The following CNTN5 variants were observed in gnomAD, a reference collection of about 807,000 sequenced individuals.
The protein encoded by CNTN5 is contactin-5.
In CNTN5, 77 loss-of-function variants were observed where a neutral mutation model predicts 129.1. The observed-to-expected ratio is 0.60, with a 90% CI of 0.50 to 0.72. The LOEUF (loss-of-function observed/expected upper bound fraction) is 0.72, where lower values mean the gene tolerates loss of function less well. Among genes scored for constraint, CNTN5 ranks in the 30% least tolerant of loss-of-function variants. The probability of loss-of-function intolerance (pLI) is 0.00; values close to 1 mark genes in which losing one functional copy is unlikely to be tolerated. For missense variants in CNTN5, 1,478 were observed against 1,328.8 expected (o/e 1.11, Z -1.75); for synonymous variants, 509 against 465.6 (o/e 1.09, Z -1.20).
chr11:99,207,032 T>G (rs2135653600), intron 1 of CNTN5, among the ~76,000 whole-genome samples: 1 of 152,210 alleles, frequency 6.6e-6, no homozygotes, highest in South Asian at 2.1e-4. Flanking sequence ...AAAATAATTT[T>G]TATGGCTGCT....
intron 2 of CNTN5, among the ~76,000 whole-genome samples, chr11:99,345,955 C>T (rs972044480): frequency 6.6e-6 from 1 of 152,118 alleles, no homozygotes; most frequent in Non-Finnish European, 1.5e-5. Flanking sequence ...TAATTACATA[C>T]ATTAATGCAT....
intron 2 of CNTN5, among the ~76,000 whole-genome samples, chr11:99,538,166 G>A (rs1947968453): frequency 6.6e-6 from 1 of 152,150 alleles, no homozygotes; most frequent in Non-Finnish European, 1.5e-5. Flanking sequence ...GTTCAATGTA[G>A]TTTTAAATAC....
chr11:100,353,787 G>A (rs189995382), intron 24 of CNTN5, among the ~76,000 whole-genome samples: 9 of 151,572 alleles, frequency 5.9e-5, no homozygotes, highest in African/African-American at 1.7e-4. Context: ...AAAGATTTAC[G>A]CTTTTTGCAT....
At chr11:99,807,228 T>C (rs921385030) in intron 3 of CNTN5, among the ~76,000 whole-genome samples, 1 of 152,210 alleles carries the variant, frequency 6.6e-6, no homozygotes, top group African/African-American at 2.4e-5. Context: ...ATTGCTCTTT[T>C]ATGATGCTAA....
chr11:99,984,452 A>T (rs2137377036), intron 8 of CNTN5, among the ~76,000 whole-genome samples: 1 of 151,992 alleles, frequency 6.6e-6, no homozygotes. Flanking sequence ...TTCTTGCGGG[A>T]GGAATTAGAG....
rs113130533 is a variant in CNTN5, at chr11:99,229,541, A to AAAAC, written c.-209-95804_-209-95803insAACA. 2.4e-3 allele frequency among the ~76,000 whole-genome samples: 338 copies of AAAAC among 143,654 alleles called. 8 individuals carry two copies. The highest frequency in any genetic ancestry group is 8.9e-3 in the South Asian group (41 of 4,596). 94.2% of individuals were successfully genotyped at this position (143,654 alleles called of 152,430 possible). A position where few individuals can be genotyped will look rare whatever the true frequency, so the allele number is the denominator to read the frequency against. On this transcript the variant is annotated intron_variant, in intron 1 of 24. Coordinates refer to ENST00000524871, the MANE Select transcript of CNTN5 (RefSeq NM_014361.4). Reference sequence around the variant, plus strand: ...CACAATTTTAGACAAAAAAAAAAAAAAGGACACAGCAGGAGGTCAATAAAA... The same window carrying AAAAC: ...CACAATTTTAGACAAAAAAAAAAAAAAAACAGGACACAGCAGGAGGTCAATAAAA...
intron 9 of CNTN5, among the ~76,000 whole-genome samples, chr11:100,028,579 C>T (rs750788743): frequency 2.6e-5 from 4 of 152,148 alleles, no homozygotes; most frequent in South Asian, 2.1e-4. Context: ...CTTTCTGAAA[C>T]GCCATCCAAG....
chr11:100,063,132 T>A (rs1245148613), intron 10 of CNTN5, among the ~76,000 whole-genome samples: 2 of 152,146 alleles, frequency 1.3e-5, no homozygotes, highest in African/African-American at 4.8e-5. Flanking sequence ...AATTAGATTG[T>A]ATGTTCTAGG....
chr11:99,302,365 T>C (rs756144589), intron 1 of CNTN5, among the ~76,000 whole-genome samples: 61 of 151,550 alleles, frequency 4.0e-4, no homozygotes, highest in Non-Finnish European at 6.2e-4. Flanking sequence ...CACAATTTAA[T>C]GAAATCATTA....
At chr11:99,305,552 C>G (rs1025138260) in intron 1 of CNTN5, among the ~76,000 whole-genome samples, 5 of 151,910 alleles carry the variant, frequency 3.3e-5, no homozygotes, top group African/African-American at 1.2e-4. Context: ...TTTCAGATAA[C>G]TGCAAAAAAA....
chr11:99,800,326 T>G (rs1182390308), intron 3 of CNTN5, among the ~76,000 whole-genome samples: 1 of 152,150 alleles, frequency 6.6e-6, no homozygotes, highest in African/African-American at 2.4e-5. Context: ...TTGCTATAAT[T>G]TCATTTAGTT....
intron 7 of CNTN5, among the ~76,000 whole-genome samples, chr11:99,929,811 G>T (rs1256157122): frequency 3.9e-5 from 6 of 152,128 alleles, no homozygotes; most frequent in Non-Finnish European, 8.8e-5. Flanking sequence ...ATCACCTATT[G>T]TTACTGGTGG....
intron 3 of CNTN5, among the ~76,000 whole-genome samples, chr11:99,726,885 C>A (rs1045102457): frequency 1.3e-5 from 2 of 151,974 alleles, no homozygotes; most frequent in Admixed American, 1.3e-4. Context: ...TAAATTCTAT[C>A]CTTAAAAGAA....
chr11:100,345,986 A>G (rs1159522259), intron 23 of CNTN5, among the ~76,000 whole-genome samples: 1 of 152,134 alleles, frequency 6.6e-6, no homozygotes, highest in East Asian at 1.9e-4. Context: ...CAATTTGGTA[A>G]TTTATTTAGC....
At chr11:99,474,825 A>G (rs1015843126) in intron 2 of CNTN5, among the ~76,000 whole-genome samples, 1 of 152,162 alleles carries the variant, frequency 6.6e-6, no homozygotes, top group Non-Finnish European at 1.5e-5. Flanking sequence ...ACCCCCTGCC[A>G]TGGCTAGCTA....
At chr11:99,813,449 T>C (rs1175039376) in intron 3 of CNTN5, among the ~76,000 whole-genome samples, 2 of 152,154 alleles carry the variant, frequency 1.3e-5, no homozygotes, top group African/African-American at 4.8e-5. Flanking sequence ...TGGAAATTGT[T>C]AGGATCTGAA....
intron 1 of CNTN5, among the ~76,000 whole-genome samples, chr11:99,055,479 GGTCA>G (rs1170075554): frequency 5.9e-5 from 9 of 151,872 alleles, no homozygotes; most frequent in African/African-American, 2.2e-4. Flanking sequence ...AAAATAGTCA[GGTCA>G]GTCAATAAGT....
At chr11:99,760,124 T>A (rs1944531072) in intron 3 of CNTN5, among the ~76,000 whole-genome samples, 1 of 152,170 alleles carries the variant, frequency 6.6e-6, no homozygotes, top group Non-Finnish European at 1.5e-5. Context: ...CCAATCCTTT[T>A]TTGATAGTTG....
chr11:99,697,209 A>G (rs890821237), intron 3 of CNTN5, among the ~76,000 whole-genome samples: 10 of 151,968 alleles, frequency 6.6e-5, no homozygotes, highest in Admixed American at 5.9e-4. Flanking sequence ...TAGCTGTTCA[A>G]CGCTTAAAGA....
Sources: allele counts gnomAD v4.1 joint callset (sites outside exome capture counted in the v4.1 genomes callset), GRCh38; gene constraint gnomAD v4.1.1; transcripts MANE v1.5; gene names NCBI Gene and HGNC (gene_info 2026-07-23, HGNC 2026-07-21).